Variants in ORC3 observed in about 807,000 individuals in gnomAD.
The protein encoded by ORC3 is origin recognition complex subunit 3.
In ORC3, 78 loss-of-function variants were observed where a neutral mutation model predicts 100.7. The observed-to-expected ratio is 0.77, with a 90% CI of 0.65 to 0.94. The LOEUF (loss-of-function observed/expected upper bound fraction) is 0.94. Ranked by LOEUF, ORC3 falls within the 40% of genes least tolerant of loss-of-function variation. ORC3 has a pLI of 0.00. For synonymous variants in ORC3, 295 were observed against 289.3 expected, an observed-to-expected ratio of 1.02 and a Z score of -0.20; for missense variants, 789 against 823.9, an observed-to-expected ratio of 0.96 and a Z score of 0.52.
chr6:87,640,451 A>G (rs1768160644), intron 13 of ORC3, among the ~76,000 whole-genome samples: 1 of 152,192 alleles, frequency 6.6e-6, no homozygotes, highest in African/African-American at 2.4e-5. Flanking sequence ...GTGGTTCTGC[A>G]TATGTTCTGC....
chr6:87,639,632 T>G (rs868770676), intron 13 of ORC3, among the ~76,000 whole-genome samples: 272 of 151,332 alleles, frequency 1.8e-3, no homozygotes, highest in African/African-American at 6.2e-3. Context: ...CTGTTGGAGG[T>G]TGATGTTGCT....
At chr6:87,676,355 A>G in the ORC3 span, among the ~76,000 whole-genome samples, 1 of 145,980 alleles carries the variant, frequency 6.9e-6, no homozygotes, top group African/African-American at 2.6e-5. Flanking sequence ...AGTCCCAACT[A>G]CTCGGGAGGC....
chr6:87,592,949 C>G (rs1263910828), intron 1 of ORC3, among the ~76,000 whole-genome samples: 1 of 151,884 alleles, frequency 6.6e-6, no homozygotes, highest in Non-Finnish European at 1.5e-5. Flanking sequence ...ATAAATTAGC[C>G]AGGCATGGTG....
downstream of ORC3, among the ~76,000 whole-genome samples, chr6:87,669,563 G>A (rs1039896552): frequency 6.6e-6 from 1 of 152,208 alleles, no homozygotes; most frequent in African/African-American, 2.4e-5. Context: ...GTCATTCTAA[G>A]GGTCTTTGAG....
intron 2 of ORC3, among the ~76,000 whole-genome samples, chr6:87,596,210 TG>T (rs1399398220): frequency 6.6e-6 from 1 of 151,074 alleles, no homozygotes; most frequent in Non-Finnish European, 1.5e-5. Flanking sequence ...CTCAGCTCAC[TG>T]CAACCTCCGC....
chr6:87,639,413 C>T (rs915093668), intron 13 of ORC3, among the ~76,000 whole-genome samples: 7 of 152,180 alleles, frequency 4.6e-5, no homozygotes, highest in Non-Finnish European at 1.5e-5. Context: ...CCTACCTTCC[C>T]CCAACAACTC....
chr6:87,633,516 G>T (rs1329058792), intron 11 of ORC3, among the ~76,000 whole-genome samples: 2 of 152,178 alleles, frequency 1.3e-5, no homozygotes, highest in Non-Finnish European at 1.5e-5. Context: ...GTGCTTTCAG[G>T]TAATGACCCG....
the ORC3 span, among the ~76,000 whole-genome samples, chr6:87,676,816 C>T: frequency 1.4e-5 from 2 of 144,910 alleles, no homozygotes; most frequent in Admixed American, 6.9e-5. Context: ...GTGGCTTACG[C>T]CTGTAATCCC....
At chr6:87,623,510 C>T (rs1286386702) in intron 11 of ORC3, among the ~76,000 whole-genome samples, 1 of 152,118 alleles carries the variant, frequency 6.6e-6, no homozygotes, top group Non-Finnish European at 1.5e-5. Context: ...TTTCAGAAGC[C>T]AGGAATAGAT....
At chr6:87,592,306 C>T (rs530095415) in intron 1 of ORC3, among the ~76,000 whole-genome samples, 1 of 152,278 alleles carries the variant, frequency 6.6e-6, no homozygotes, top group South Asian at 2.1e-4. Flanking sequence ...TATGTGATTT[C>T]GCACACTTCT....
intron 2 of ORC3, among the ~76,000 whole-genome samples, chr6:87,596,559 G>A (rs1205727450): frequency 6.6e-6 from 1 of 152,012 alleles, no homozygotes; most frequent in East Asian, 1.9e-4. Flanking sequence ...ACTTTCTGGA[G>A]TGATGGAAAT....
At chr6:87,649,957 C>CT (rs996772427) in intron 13 of ORC3, among the ~76,000 whole-genome samples, 3 of 146,944 alleles carry the variant, frequency 2.0e-5, no homozygotes, top group Non-Finnish European at 3.0e-5. Context: ...TGAACATGGG[C>CT]TTTTTTTTCA....
chr6:87,650,345 C>T (rs768042521), intron 13 of ORC3, among the ~76,000 whole-genome samples: 16 of 152,150 alleles, frequency 1.1e-4, no homozygotes, highest in South Asian at 2.1e-4. Context: ...TGAGCCACCA[C>T]GCCCAGCTCT....
chr6:87,674,764 G>A, the ORC3 span, among the ~76,000 whole-genome samples: 20 of 150,668 alleles, frequency 1.3e-4, no homozygotes, highest in Admixed American at 5.3e-4. Flanking sequence ...ATGAGCCACC[G>A]CGCCCAGCAG....
At chr6:87,676,596 A>ACACAC in the ORC3 span, among the ~76,000 whole-genome samples, 1 of 142,046 alleles carries the variant, frequency 7.0e-6, no homozygotes, top group East Asian at 2.1e-4. Context: ...CTCTACTAAA[A>ACACAC]ACACACACAC....
intron 1 of ORC3, among the ~76,000 whole-genome samples, chr6:87,593,343 TAC>T (rs1250201543): frequency 1.3e-5 from 2 of 152,216 alleles, no homozygotes; most frequent in African/African-American, 4.8e-5. Flanking sequence ...ATAAATAAAA[TAC>T]AGTTTGTGCT....
At chr6:87,634,639 T>C (rs1767673412) in intron 11 of ORC3, among the ~76,000 whole-genome samples, 1 of 152,228 alleles carries the variant, frequency 6.6e-6, no homozygotes, top group South Asian at 2.1e-4. Context: ...TTCTGGCTTG[T>C]GTAAAGTATC....
chr6:87,613,858 A>G (rs773544792), intron 8 of ORC3, among the ~76,000 whole-genome samples: 18 of 152,210 alleles, frequency 1.2e-4, no homozygotes, highest in Non-Finnish European at 2.2e-4. Flanking sequence ...TGCAGGTTAC[A>G]GCCTCCCTCC....
chr6:87,608,764 A>G (rs780150033), intron 6 of ORC3, among the ~76,000 whole-genome samples: 5 of 152,206 alleles, frequency 3.3e-5, no homozygotes, highest in Non-Finnish European at 5.9e-5. Flanking sequence ...CTCACTATAA[A>G]GCAAAGCAGA....
Sources: gnomAD v4.1 joint callset for allele counts (sites outside exome capture counted in the v4.1 genomes callset) on GRCh38, gnomAD v4.1.1 for gene constraint, MANE v1.5 for transcripts, NCBI Gene and HGNC (gene_info 2026-07-23, HGNC 2026-07-21) for gene names.